Variants in LDLRAD3 observed in about 807,000 individuals in gnomAD.
LDLRAD3 encodes low-density lipoprotein receptor class A domain-containing protein 3.
LDLRAD3 carries 20 observed loss-of-function variants against 29.4 expected under a neutral mutation model. The ratio of observed to expected loss-of-function variants is 0.68; its 90% confidence interval spans 0.48 to 0.99. LDLRAD3 has a LOEUF of 0.99. Ranked by LOEUF, LDLRAD3 falls within the 50% of genes least tolerant of loss-of-function variation. The pLI, the probability that LDLRAD3 is intolerant of heterozygous loss-of-function variation, is 0.00. For synonymous variants in LDLRAD3, 157 were observed against 192.7 expected (o/e 0.81, Z 1.53); for missense variants, 420 against 454.3 (o/e 0.92, Z 0.69).
At chr11:35,998,004 T>C (rs1444780090) in intron 1 of LDLRAD3, among the ~76,000 whole-genome samples, 2 of 152,182 alleles carry the variant, frequency 1.3e-5, no homozygotes, top group East Asian at 1.9e-4. Flanking sequence ...CGGTCTTCTC[T>C]AGAAGGGAGT....
intron 4 of LDLRAD3, among the ~76,000 whole-genome samples, chr11:36,170,804 C>CTTTTTTTT (rs763207036): frequency 7.2e-6 from 1 of 138,332 alleles, no homozygotes; most frequent in Non-Finnish European, 1.6e-5. Context: ...TGTATATCTT[C>CTTTTTTTT]TTTTTTTTTT....
intron 4 of LDLRAD3, among the ~76,000 whole-genome samples, chr11:36,103,757 G>C (rs143328725): frequency 1.2e-4 from 19 of 152,168 alleles, no homozygotes; most frequent in Non-Finnish European, 2.4e-4. Flanking sequence ...GCCGTTTGAA[G>C]TTTGCATTTT....
rs1035622670 is a variant in LDLRAD3, at chr11:36,064,434, C to T, written c.194-17219C>T. Among the ~76,000 whole-genome samples the T allele has an allele frequency of 8.7e-4, 132 of 151,780 alleles. 1 individual carries two copies. The highest frequency in any genetic ancestry group is 3.5e-4 in the Non-Finnish European group (24 of 67,986). On this transcript the variant is annotated intron_variant, in intron 2 of 5. Coordinates refer to ENST00000315571, the MANE Select transcript of LDLRAD3 (RefSeq NM_174902.4). ...AAGTGATACTCCTGCCTCAGCCTCCCAAATAGCTGGACTACAGGTGCAGGC... is the reference window on the plus strand; with the variant it reads ...AAGTGATACTCCTGCCTCAGCCTCCTAAATAGCTGGACTACAGGTGCAGGC...
chr11:36,134,030 C>T (rs1289894473), intron 4 of LDLRAD3, among the ~76,000 whole-genome samples: 2 of 151,846 alleles, frequency 1.3e-5, no homozygotes, highest in Non-Finnish European at 2.9e-5. Context: ...TGCATAGCGA[C>T]CCAGATAATT....
intron 4 of LDLRAD3, among the ~76,000 whole-genome samples, chr11:36,177,498 C>T (rs1854695814): frequency 6.6e-6 from 1 of 152,170 alleles, no homozygotes; most frequent in Admixed American, 6.5e-5. Context: ...ATTCTTTTGT[C>T]CCACAGGGTG....
chr11:36,205,336 C>T (rs1855191118), intron 4 of LDLRAD3, among the ~76,000 whole-genome samples: 2 of 152,164 alleles, frequency 1.3e-5, no homozygotes, highest in African/African-American at 4.8e-5. Flanking sequence ...TCTTTTCGTG[C>T]TCCCCTCTGC....
chr11:36,009,026 T>C (rs1851922013), intron 1 of LDLRAD3, among the ~76,000 whole-genome samples: 1 of 152,004 alleles, frequency 6.6e-6, no homozygotes, highest in African/African-American at 2.4e-5. Flanking sequence ...CGGCTAGATA[T>C]CTCCCTCCTT....
intron 4 of LDLRAD3, among the ~76,000 whole-genome samples, chr11:36,194,876 G>C (rs562288874): frequency 1.3e-5 from 2 of 152,262 alleles, no homozygotes; most frequent in Admixed American, 1.3e-4. Flanking sequence ...AGACAGATGT[G>C]GTCCCTGCCT....
chr11:36,062,913 C>G (rs1232346384), intron 2 of LDLRAD3, among the ~76,000 whole-genome samples: 1 of 152,010 alleles, frequency 6.6e-6, no homozygotes, highest in Non-Finnish European at 1.5e-5. Context: ...TACGTTGACC[C>G]ACTAAAACTA....
At chr11:36,171,079 C>T (rs1406536710) in intron 4 of LDLRAD3, among the ~76,000 whole-genome samples, 2 of 152,142 alleles carry the variant, frequency 1.3e-5, no homozygotes, top group Non-Finnish European at 2.9e-5. Context: ...GGATTATAGG[C>T]GTGACGTTTA....
chr11:36,194,087 CTTG>C (rs968359182), intron 4 of LDLRAD3, among the ~76,000 whole-genome samples: 1 of 152,124 alleles, frequency 6.6e-6, no homozygotes, highest in Non-Finnish European at 1.5e-5. Flanking sequence ...TTCCCTTCCC[CTTG>C]TTGTTTCATT....
At chr11:36,068,408 A>G (rs987979643) in intron 2 of LDLRAD3, among the ~76,000 whole-genome samples, 19 of 152,176 alleles carry the variant, frequency 1.2e-4, no homozygotes, top group Admixed American at 1.1e-3. Flanking sequence ...GGAGTTCTAT[A>G]CCATCTTTAT....
chr11:35,963,140 T>C (rs1244916356), intron 1 of LDLRAD3, among the ~76,000 whole-genome samples: 3 of 152,242 alleles, frequency 2.0e-5, no homozygotes, highest in Non-Finnish European at 4.4e-5. Flanking sequence ...TCCACTTGCA[T>C]TGCCTGAGAT....
intron 2 of LDLRAD3, among the ~76,000 whole-genome samples, chr11:36,071,154 C>T (rs950909563): frequency 6.6e-5 from 10 of 152,130 alleles, no homozygotes; most frequent in African/African-American, 9.7e-5. Context: ...AATAATAGAG[C>T]GCAGCAGCAG....
intron 1 of LDLRAD3, among the ~76,000 whole-genome samples, chr11:36,022,804 G>A (rs574248498): frequency 3.3e-5 from 5 of 152,164 alleles, no homozygotes; most frequent in Admixed American, 6.5e-5. Context: ...AAACAGGTTC[G>A]TCTACACAGT....
chr11:36,071,584 C>T (rs1188503764), intron 2 of LDLRAD3, among the ~76,000 whole-genome samples: 1 of 152,270 alleles, frequency 6.6e-6, no homozygotes, highest in East Asian at 1.9e-4. Flanking sequence ...GAAAAGATGT[C>T]ACAACATATT....
intron 4 of LDLRAD3, among the ~76,000 whole-genome samples, chr11:36,161,268 C>G: frequency 6.6e-6 from 1 of 152,088 alleles, no homozygotes; most frequent in East Asian, 1.9e-4. Context: ...TATATTACCC[C>G]TTTGATTCCT....
intron 4 of LDLRAD3, among the ~76,000 whole-genome samples, chr11:36,142,720 G>A (rs938969717): frequency 2.6e-5 from 4 of 152,168 alleles, no homozygotes; most frequent in Admixed American, 6.5e-5. Context: ...CCAAAGGGAA[G>A]CCCCCAACCC....
At chr11:35,973,499 C>T (rs1851440899) in intron 1 of LDLRAD3, among the ~76,000 whole-genome samples, 1 of 152,008 alleles carries the variant, frequency 6.6e-6, no homozygotes, top group Non-Finnish European at 1.5e-5. Flanking sequence ...ACTCTGTCTC[C>T]CAGGCGGGAG....
Sources: allele counts gnomAD v4.1 joint callset (sites outside exome capture counted in the v4.1 genomes callset), GRCh38; gene constraint gnomAD v4.1.1; transcripts MANE v1.5; gene names NCBI Gene and HGNC (gene_info 2026-07-23, HGNC 2026-07-21).